MYOF: variants seen among roughly 807,000 people sequenced by gnomAD.
The protein encoded by MYOF is fer-1-like 3, myoferlin.
MYOF carries 244 observed loss-of-function variants against 284.2 expected under a neutral mutation model. The observed-to-expected ratio is 0.86, with a 90% CI of 0.77 to 0.95. The LOEUF is 0.95. MYOF is among the 40% of genes least tolerant of loss of function. MYOF has a pLI of 0.00. For synonymous variants in MYOF, 904 were observed against 919.7 expected, an observed-to-expected ratio of 0.98 and a Z score of 0.31; for missense variants, 2,496 against 2,560.6, an observed-to-expected ratio of 0.97 and a Z score of 0.54.
rs1844500817 is a variant in MYOF at position 93,351,399 on chromosome 10, A to G, written c.3822+14T>C. 1.2e-6 allele frequency: 2 copies of G among 1,613,432 alleles called. No individual in the cohort carries two copies. Among genetic ancestry groups the G allele is most frequent in the East Asian group, 4.5e-5 (2 of 44,882 alleles). On this transcript the variant is annotated intron_variant, in intron 34 of 53. Transcript: ENST00000359263. ...CAGCTGACAGAATACATGAGGAAGA[A>G]CACAGCAATGTACCTTGCCCCTCAG...
At chr10:93,462,881 G>C (rs568187677) in intron 1 of MYOF, among the ~76,000 whole-genome samples, 1 of 151,362 alleles carries the variant, frequency 6.6e-6, no homozygotes, top group African/African-American at 2.4e-5. Flanking sequence ...TGAATTACAG[G>C]AAACTCCCTC....
chr10:93,361,396 G>A (rs1845064350), intron 28 of MYOF, 56 bp downstream of exon 28: 3 of 1,554,270 alleles, frequency 1.9e-6, no homozygotes, highest in African/African-American at 1.4e-5. Context: ...ACTTTATCCT[G>A]GTTAACCAAG....
At chr10:93,432,555 C>T (rs1037386286) in intron 3 of MYOF, among the ~76,000 whole-genome samples, 1 of 152,070 alleles carries the variant, frequency 6.6e-6, no homozygotes, top group Non-Finnish European at 1.5e-5. Context: ...GAAAATATCC[C>T]CCCAAGTAGA....
intron 5 of MYOF, among the ~76,000 whole-genome samples, chr10:93,421,614 T>G (rs1421454981): frequency 1.3e-5 from 2 of 152,094 alleles, no homozygotes; most frequent in Non-Finnish European, 2.9e-5. Flanking sequence ...AATGAATGAG[T>G]TCACCTGAGA....
rs756740078 is a variant in MYOF at position 93,335,924 on chromosome 10, A to C, written c.4560T>G (p.Phe1520Leu). The C allele has an allele frequency of 5.0e-6, 8 of 1,614,104 alleles. No homozygotes were observed. Among genetic ancestry groups the C allele is most frequent in the Non-Finnish European group, 5.9e-6 (7 of 1,179,994 alleles). ...ENEDPSVVGE[F>L]KGSFRIYPLP... Reference sequence around the variant, plus strand: ...GACCAACACACATCTTACTCACCTTAAACTCTCCAACCACAGAAGGATCTT... The same window carrying C: ...GACCAACACACATCTTACTCACCTTCAACTCTCCAACCACAGAAGGATCTT... The change falls in exon 41 of 54, where the codon TTT becomes TTG. Residue 1520 changes from phenylalanine (F) to leucine (L), a missense_variant. By Grantham distance (22) the Phe-to-Leu change is conservative. Around this residue, in one of 3 missense-constraint regions of MYOF, gnomAD observed 2,436 missense variants for 2,480.7 expected, o/e 0.98. Coordinates refer to ENST00000359263, the MANE Select transcript of MYOF (RefSeq NM_013451.4).
intron 38 of MYOF, among the ~76,000 whole-genome samples, chr10:93,343,431 T>C (rs180869433): frequency 1.9e-3 from 284 of 152,388 alleles, no homozygotes; most frequent in African/African-American, 6.2e-3. Flanking sequence ...ATCTCTGATC[T>C]GAATGTTGCA....
intron 3 of MYOF, among the ~76,000 whole-genome samples, chr10:93,450,065 C>G (rs1314803843): frequency 2.0e-5 from 3 of 152,102 alleles, no homozygotes; most frequent in East Asian, 2.0e-4. Flanking sequence ...CGAGACCAGC[C>G]TGGCCAACAT....
intron 4 of MYOF, among the ~76,000 whole-genome samples, chr10:93,427,122 G>A (rs1428505507): frequency 6.6e-6 from 1 of 151,028 alleles, no homozygotes. Context: ...TCCTGACCAC[G>A]TGATCTGCCC....
Position 93,389,095 on chromosome 10 carries a change from G to A in MYOF, c.1516C>T (p.Leu506Phe), listed in dbSNP as rs373718192. Residue 506 changes from leucine (L) to phenylalanine (F), a missense_variant, in exon 18 of 54, where the codon CTT (leucine) becomes TTT (phenylalanine). Leu to Phe is a conservative substitution (Grantham distance 22). Around this residue, in one of 3 missense-constraint regions of MYOF, gnomAD observed 2,436 missense variants for 2,480.7 expected, o/e 0.98. Coordinates refer to ENST00000359263, the MANE Select transcript of MYOF (RefSeq NM_013451.4). Reference sequence around the variant, plus strand: ...GTGTACTCTCTGGGGCTTCCATAAAGATTCAGGTAACAAGGTCCAAACGTT... The same window carrying A: ...GTGTACTCTCTGGGGCTTCCATAAAAATTCAGGTAACAAGGTCCAAACGTT... ...VPTFGPCYLN[L>F]YGSPREYTGF... is the part of the protein sequence containing the mutation. The A allele has an allele frequency of 6.2e-7, 1 of 1,614,152 alleles. No individual in the cohort carries two copies. Among genetic ancestry groups the A allele is most frequent in the Non-Finnish European group, 8.5e-7 (1 of 1,180,004 alleles).
intron 3 of MYOF, among the ~76,000 whole-genome samples, chr10:93,447,243 C>T (rs788102): frequency 0.67 from 101,509 of 152,040 alleles, 34,068 homozygotes; most frequent in East Asian, 0.77. Context: ...ACCTGATTGT[C>T]TCTCTTAGCT....
intron 23 of MYOF, 125 bp from the exon 24 acceptor site, chr10:93,373,210 T>C: frequency 8.9e-7 from 1 of 1,125,410 alleles, no homozygotes; most frequent in Non-Finnish European, 1.3e-6. Flanking sequence ...TGGTTAGGGC[T>C]CTGTCTCAAA....
intron 23 of MYOF, among the ~76,000 whole-genome samples, chr10:93,374,546 A>G (rs541470430): frequency 4.6e-5 from 7 of 152,358 alleles, no homozygotes; most frequent in Admixed American, 3.9e-4. Flanking sequence ...AGACATTTCC[A>G]AGATCACCAA....
At chr10:93,402,985 G>A (rs1156861473) in intron 9 of MYOF, 95 bp from the exon 10 acceptor site, 2 of 1,078,782 alleles carry the variant, frequency 1.9e-6, no homozygotes, top group East Asian at 2.5e-5. Context: ...ATCATGTCTT[G>A]ATTACACTTA....
chr10:93,385,521 A>C (rs1313386130), intron 19 of MYOF, among the ~76,000 whole-genome samples: 1 of 152,198 alleles, frequency 6.6e-6, no homozygotes, highest in Non-Finnish European at 1.5e-5. Flanking sequence ...GGTCATGAGC[A>C]TGTTTGTAGG....
chr10:93,439,987 C>G (rs2056193615), intron 3 of MYOF, among the ~76,000 whole-genome samples: 1 of 152,198 alleles, frequency 6.6e-6, no homozygotes, highest in Non-Finnish European at 1.5e-5. Flanking sequence ...ACTACATATA[C>G]CACAAATCCT....
chr10:93,444,061 C>G (rs1447976982), intron 3 of MYOF, among the ~76,000 whole-genome samples: 1 of 152,186 alleles, frequency 6.6e-6, no homozygotes. Context: ...CTCTTGTGTT[C>G]TGACCTTTGT....
At chr10:93,466,086 A>C (rs2057003832) in intron 1 of MYOF, among the ~76,000 whole-genome samples, 1 of 152,160 alleles carries the variant, frequency 6.6e-6, no homozygotes, top group South Asian at 2.1e-4. Flanking sequence ...AACAAGGGGC[A>C]GAGAAGTTTC....
In MYOF at chr10:93,377,392, C is replaced by T; in HGVS notation, c.2039G>A (p.Gly680Asp). 2 of 1,613,904 alleles carry T rather than the reference C, an allele frequency of 1.2e-6. No individual in the cohort carries two copies. Among genetic ancestry groups the T allele is most frequent in the Non-Finnish European group, 1.7e-6 (2 of 1,179,920 alleles). Reference protein sequence around the residue: ...NIEALKSGIQGKIPANQLAEL... With the variant: ...NIEALKSGIQDKIPANQLAEL... The stretch of plus-strand genomic sequence containing the variant: ...AGCCAGCTGGTTTGCAGGAATTTTA[C>T]CTTGTATCCCTGATTTTAGAGCTTC... Residue 680 changes from glycine to aspartate, a missense_variant, in exon 22 of 54, where the codon GGT becomes GAT. Transcript: ENST00000359263.
chr10:93,351,500 T>C lies in MYOF; in HGVS notation c.3735A>G (p.Thr1245=). Residue 1245 remains threonine (T), a synonymous_variant, in exon 34 of 54, where the codon ACA becomes ACG. Coordinates refer to ENST00000359263, the MANE Select transcript of MYOF (RefSeq NM_013451.4). Reference sequence around the variant, plus strand: ...TTACTGGGTGCCAGAGAAGTTTGGGTGTGATGTCCATTTCTGAGTTCAGTT... The same window carrying C: ...TTACTGGGTGCCAGAGAAGTTTGGGCGTGATGTCCATTTCTGAGTTCAGTT... ...VVKLNSEMDI[T]PKLLWHPVMN... is the part of the protein sequence containing the mutation. 6.2e-7 allele frequency: 1 copy of C among 1,614,186 alleles called. No homozygotes were observed. The highest frequency in any genetic ancestry group is 8.5e-7 in the Non-Finnish European group (1 of 1,180,020).
Sources: allele counts gnomAD v4.1 joint callset (sites outside exome capture counted in the v4.1 genomes callset), GRCh38; gene constraint gnomAD v4.1.1; regional missense constraint gnomAD v4.1.1; transcripts MANE v1.5; gene names NCBI Gene and HGNC (gene_info 2026-07-23, HGNC 2026-07-21).